Variants in NPAS3 observed in about 807,000 individuals in gnomAD.
NPAS3 encodes neuronal PAS domain-containing protein 3.
NPAS3 carries 14 observed loss-of-function variants against 73.1 expected under a neutral mutation model. The ratio of observed to expected loss-of-function variants is 0.19; its 90% confidence interval spans 0.13 to 0.30. The LOEUF (loss-of-function observed/expected upper bound fraction) is 0.30. NPAS3 is among the 10% of genes least tolerant of loss of function. The probability of loss-of-function intolerance (pLI) is 1.00; values close to 1 mark genes in which losing one functional copy is unlikely to be tolerated. For synonymous variants in NPAS3, 620 were observed against 541.5 expected (o/e 1.14, Z -2.01); for missense variants, 1,096 against 1,250.0 (o/e 0.88, Z 1.86).
At chr14:33,742,631 G>A (rs2061683690) in intron 7 of NPAS3, among the ~76,000 whole-genome samples, 1 of 152,154 alleles carries the variant, frequency 6.6e-6, no homozygotes, top group South Asian at 2.1e-4. Flanking sequence ...CTGAAGGTTG[G>A]GGTGGCTGTG....
chr14:32,939,600 C>G (rs1408561069), intron 1 of NPAS3, among the ~76,000 whole-genome samples: 6 of 120,390 alleles, frequency 5.0e-5, no homozygotes, highest in African/African-American at 2.0e-4. Context: ...CTCCTCGGCT[C>G]GGCGAATAGA....
At chr14:33,169,049 G>C (rs905730513) in intron 2 of NPAS3, among the ~76,000 whole-genome samples, 14 of 152,188 alleles carry the variant, frequency 9.2e-5, no homozygotes, top group African/African-American at 3.4e-4. Context: ...AGCATGTTGG[G>C]AGTTTTGTAG....
intron 2 of NPAS3, among the ~76,000 whole-genome samples, chr14:33,140,711 C>G (rs1283784953): frequency 2.6e-5 from 4 of 152,064 alleles, no homozygotes; most frequent in Non-Finnish European, 4.4e-5. Flanking sequence ...AAAAAATGGT[C>G]TTTAAAAAAA....
chr14:33,769,574 G>T (rs530538675), intron 7 of NPAS3, among the ~76,000 whole-genome samples: 4 of 152,210 alleles, frequency 2.6e-5, no homozygotes, highest in African/African-American at 9.6e-5. Context: ...TCAGCTGAAA[G>T]TATTTTCTTC....
chr14:33,283,891 T>C (rs1359379598), intron 3 of NPAS3, among the ~76,000 whole-genome samples: 6 of 152,158 alleles, frequency 3.9e-5, no homozygotes, highest in Admixed American at 3.3e-4. Context: ...TAGTGTGTCT[T>C]TAAGTCATGG....
intron 5 of NPAS3, among the ~76,000 whole-genome samples, chr14:33,580,412 T>C (rs1278394881): frequency 1.3e-5 from 2 of 152,136 alleles, no homozygotes; most frequent in Non-Finnish European, 2.9e-5. Flanking sequence ...TCCAGGCCAA[T>C]AAAGGGAGAG....
intron 2 of NPAS3, among the ~76,000 whole-genome samples, chr14:33,089,549 A>T (rs1192361981): frequency 6.6e-6 from 1 of 152,218 alleles, no homozygotes; most frequent in Non-Finnish European, 1.5e-5. Flanking sequence ...TGACGGGGAG[A>T]GTGGAACCAA....
chr14:33,676,408 G>T, intron 6 of NPAS3, 23 bp downstream of exon 6: 1 of 1,532,120 alleles, frequency 6.5e-7, no homozygotes, highest in Non-Finnish European at 8.7e-7. Flanking sequence ...AACCCAGTGT[G>T]TGGGTTGGTG....
intron 3 of NPAS3, 55 bp downstream of exon 3, chr14:33,215,481 G>A: frequency 6.3e-7 from 1 of 1,583,928 alleles, no homozygotes; most frequent in African/African-American, 1.3e-5. Flanking sequence ...GGGTCTGTAA[G>A]ACAAAATGTT....
chr14:33,293,554 C>A (rs1050049493), intron 3 of NPAS3, among the ~76,000 whole-genome samples: 9 of 152,106 alleles, frequency 5.9e-5, no homozygotes, highest in Admixed American at 2.6e-4. Flanking sequence ...TTTCCTTGAT[C>A]ATTTTTAAGA....
chr14:33,543,411 T>A (rs545209323), intron 4 of NPAS3, among the ~76,000 whole-genome samples: 32 of 152,318 alleles, frequency 2.1e-4, no homozygotes, highest in African/African-American at 7.7e-4. Flanking sequence ...TTCTTCACAT[T>A]CTTTATAGAT....
chr14:33,541,201 A>G (rs2054502738), intron 4 of NPAS3, among the ~76,000 whole-genome samples: 1 of 151,974 alleles, frequency 6.6e-6, no homozygotes, highest in Non-Finnish European at 1.5e-5. Flanking sequence ...ACTTGATATC[A>G]GAGTTCACTT....
intron 6 of NPAS3, among the ~76,000 whole-genome samples, chr14:33,686,865 C>T (rs941708113): frequency 6.6e-6 from 1 of 152,084 alleles, no homozygotes; most frequent in Non-Finnish European, 1.5e-5. Context: ...AGTAGTCTTC[C>T]CTATAACATA....
chr14:33,521,680 T>C lies in NPAS3; in HGVS notation c.469-38441T>C, dbSNP rs561413131. 3.3e-5 allele frequency among the ~76,000 whole-genome samples: 5 copies of C among 152,270 alleles called. No homozygotes were observed. In the East Asian group the frequency reaches 5.8e-4, roughly 18 times the overall value. On this transcript the variant is annotated intron_variant, in intron 4 of 11. Transcript: ENST00000356141. ...ATTCTTGTATTGACCATTTTTTTCATGTTGTTCTATTGAGACATCTTCCCA... is the reference window on the plus strand; with the variant it reads ...ATTCTTGTATTGACCATTTTTTTCACGTTGTTCTATTGAGACATCTTCCCA...
At chr14:33,727,070 A>T (rs909511550) in intron 6 of NPAS3, among the ~76,000 whole-genome samples, 2 of 152,100 alleles carry the variant, frequency 1.3e-5, no homozygotes, top group African/African-American at 4.8e-5. Context: ...GTGCCTCTGT[A>T]ACCAGACTCC....
At chr14:33,377,658 A>C (rs773891714) in intron 4 of NPAS3, among the ~76,000 whole-genome samples, 1 of 152,218 alleles carries the variant, frequency 6.6e-6, no homozygotes, top group African/African-American at 2.4e-5. Flanking sequence ...AACATATGTC[A>C]TCATTCACTG....
intron 4 of NPAS3, among the ~76,000 whole-genome samples, chr14:33,402,872 T>A (rs2047504914): frequency 6.6e-6 from 1 of 152,128 alleles, no homozygotes; most frequent in African/African-American, 2.4e-5. Context: ...TACTAAGCAT[T>A]TGTTCATGTA....
chr14:33,373,799 AAG>A (rs759585718), intron 4 of NPAS3, among the ~76,000 whole-genome samples: 8 of 152,114 alleles, frequency 5.3e-5, no homozygotes, highest in Non-Finnish European at 7.4e-5. Flanking sequence ...CCAAACCTGA[AAG>A]AGAATTCCAT....
chr14:33,621,017 T>C (rs1320097529), intron 5 of NPAS3, among the ~76,000 whole-genome samples: 3 of 152,162 alleles, frequency 2.0e-5, no homozygotes, highest in Non-Finnish European at 2.9e-5. Context: ...ATGAGTCATT[T>C]AAATGACTAG....
Sources: allele counts gnomAD v4.1 joint callset (sites outside exome capture counted in the v4.1 genomes callset), GRCh38; gene constraint gnomAD v4.1.1; transcripts MANE v1.5; gene names NCBI Gene and HGNC (gene_info 2026-07-23, HGNC 2026-07-21).